CIMIP5: variants seen among roughly 807,000 people sequenced by gnomAD.
The protein encoded by CIMIP5 is ciliary microtubule inner protein 5.
the CIMIP5 span, among the ~76,000 whole-genome samples, chr2:11,142,315 G>A: frequency 6.6e-6 from 1 of 150,376 alleles, no homozygotes; most frequent in Non-Finnish European, 1.5e-5. Flanking sequence ...CCTGGAAGAT[G>A]AGCAATATGG....
chr2:11,134,135 G>T, the CIMIP5 span, among the ~76,000 whole-genome samples: 1 of 152,148 alleles, frequency 6.6e-6, no homozygotes, highest in East Asian at 1.9e-4. Flanking sequence ...ACAGTTCAGG[G>T]TCGGGGGCAG....
the CIMIP5 span, among the ~76,000 whole-genome samples, chr2:11,149,495 C>T: frequency 1.3e-5 from 2 of 152,074 alleles, no homozygotes; most frequent in African/African-American, 2.4e-5. Flanking sequence ...CGCTTGAGCT[C>T]AGGAGTTTGA....
the CIMIP5 span, chr2:11,140,444 A>G: frequency 3.4e-6 from 4 of 1,173,090 alleles, no homozygotes; most frequent in Middle Eastern, 2.0e-4. Flanking sequence ...GACTTGACAC[A>G]GTGAAAGTCA....
chr2:11,149,584 A>G, the CIMIP5 span, among the ~76,000 whole-genome samples: 17 of 152,172 alleles, frequency 1.1e-4, no homozygotes, highest in Admixed American at 7.9e-4. Context: ...ATGCAGGCCT[A>G]TAGTCCCAGC....
At chr2:11,136,635 T>C in the CIMIP5 span, among the ~76,000 whole-genome samples, 2 of 152,124 alleles carry the variant, frequency 1.3e-5, no homozygotes, top group African/African-American at 2.4e-5. Flanking sequence ...TGACTGCAAA[T>C]GGACACAGGT....
chr2:11,144,149 G>T, the CIMIP5 span: 1 of 1,516,896 alleles, frequency 6.6e-7, no homozygotes, highest in Admixed American at 2.1e-5. Flanking sequence ...CCAGGTGGGT[G>T]TGGGTGGGGA....
chr2:11,153,559 A>G, the CIMIP5 span, among the ~76,000 whole-genome samples: 1 of 152,252 alleles, frequency 6.6e-6, no homozygotes, highest in Non-Finnish European at 1.5e-5. Context: ...CAAGGGACCT[A>G]TCACATGGCA....
At chr2:11,150,146 C>T in the CIMIP5 span, among the ~76,000 whole-genome samples, 6 of 151,702 alleles carry the variant, frequency 4.0e-5, no homozygotes, top group South Asian at 2.1e-4. Context: ...CGGGGTTTCA[C>T]CATTCTGGCC....
chr2:11,149,626 G>T, the CIMIP5 span, among the ~76,000 whole-genome samples: 1 of 152,086 alleles, frequency 6.6e-6, no homozygotes, highest in South Asian at 2.1e-4. Flanking sequence ...AGAATCACCT[G>T]AGCCCAGGAA....
the CIMIP5 span, among the ~76,000 whole-genome samples, chr2:11,140,314 G>T: frequency 6.7e-6 from 1 of 149,460 alleles, no homozygotes; most frequent in African/African-American, 2.5e-5. Flanking sequence ...GGCGGAGCTT[G>T]CAGGGAGCCA....
At chr2:11,140,935 C>A in the CIMIP5 span, among the ~76,000 whole-genome samples, 1 of 152,018 alleles carries the variant, frequency 6.6e-6, no homozygotes, top group Non-Finnish European at 1.5e-5. Flanking sequence ...GGTATCACCA[C>A]CTCCAATCCA....
the CIMIP5 span, chr2:11,140,588 T>G: frequency 6.9e-7 from 1 of 1,444,130 alleles, no homozygotes; most frequent in South Asian, 1.3e-5. Context: ...TACTTGCAAT[T>G]GAATATTACT....
the CIMIP5 span, among the ~76,000 whole-genome samples, chr2:11,150,072 G>A: frequency 6.6e-6 from 1 of 151,708 alleles, no homozygotes; most frequent in Non-Finnish European, 1.5e-5. Flanking sequence ...TCAGCCTCCC[G>A]AGTAGCTGGG....
chr2:11,146,259 G>C, the CIMIP5 span, among the ~76,000 whole-genome samples: 1 of 152,164 alleles, frequency 6.6e-6, no homozygotes, highest in African/African-American at 2.4e-5. Context: ...CAACTAAAGC[G>C]CAGAGAGGTT....
At chr2:11,133,184 G>A in the CIMIP5 span, 1 of 915,472 alleles carries the variant, frequency 1.1e-6, no homozygotes, top group Admixed American at 3.8e-5. Flanking sequence ...TGAGCTCGAG[G>A]CCTAAAGGGA....
At chr2:11,152,563 G>A in the CIMIP5 span, among the ~76,000 whole-genome samples, 1 of 152,188 alleles carries the variant, frequency 6.6e-6, no homozygotes, top group Non-Finnish European at 1.5e-5. Flanking sequence ...CTGTGCAGCT[G>A]TGGCCCAGGA....
chr2:11,135,245 C>A, the CIMIP5 span, among the ~76,000 whole-genome samples: 3 of 152,110 alleles, frequency 2.0e-5, no homozygotes, highest in Non-Finnish European at 4.4e-5. Context: ...TTATACGGTA[C>A]CTCTATTTGT....
chr2:11,144,082 A>C, the CIMIP5 span: 1 of 1,599,204 alleles, frequency 6.3e-7, no homozygotes, highest in Admixed American at 1.7e-5. Context: ...CCGGAAGAAG[A>C]AGCTGGAGGA....
At chr2:11,152,668 G>A in the CIMIP5 span, among the ~76,000 whole-genome samples, 1 of 152,064 alleles carries the variant, frequency 6.6e-6, no homozygotes, top group African/African-American at 2.4e-5. Context: ...ATCTTGTCCT[G>A]CAGAGATATC....
Sources: gnomAD v4.1 joint callset for allele counts (sites outside exome capture counted in the v4.1 genomes callset) on GRCh38, gnomAD v4.1.1 for gene constraint, MANE v1.5 for transcripts, NCBI Gene and HGNC (gene_info 2026-07-23, HGNC 2026-07-21) for gene names.